The following NR1D2 variants were observed in gnomAD, a reference collection of about 807,000 sequenced individuals.
NR1D2 encodes the protein nuclear receptor subfamily 1 group D member 2.
A neutral mutation model predicts 52.2 loss-of-function variants in NR1D2; 25 were observed. That is an observed-to-expected ratio of 0.48 (90% CI 0.35 to 0.67). The LOEUF is 0.67. NR1D2 is among the 30% of genes least tolerant of loss of function. The probability of loss-of-function intolerance (pLI) is 0.01; values close to 1 mark genes in which losing one functional copy is unlikely to be tolerated. For synonymous variants in NR1D2, 259 were observed against 230.1 expected, an observed-to-expected ratio of 1.13 and a Z score of -1.14; for missense variants, 681 against 707.2, an observed-to-expected ratio of 0.96 and a Z score of 0.42.
chr3:23,950,825 A>T (rs760065677), intron 1 of NR1D2, among the ~76,000 whole-genome samples: 1 of 151,162 alleles, frequency 6.6e-6, no homozygotes, highest in Admixed American at 6.6e-5. Flanking sequence ...GATACAGTCC[A>T]TTGCCCCGTC....
Position 23,979,358 on chromosome 3 carries a change from CAT to C in NR1D2, c.*1941_*1942del, listed in dbSNP as rs1224504295. On this transcript the variant is annotated 3_prime_UTR_variant, in exon 8 of 8. Transcript: ENST00000312521. ...TTTTTTTTCCTAAGATAAACAAATG[CAT>C]AGTTTTCTTCTATGGGTGATAGAAA... The C allele has an allele frequency of 6.6e-6, 1 of 151,948 alleles. No individual in the cohort carries two copies. Among genetic ancestry groups the C allele is most frequent in the Non-Finnish European group, 1.5e-5 (1 of 67,900 alleles). The allele number at this position is 151,948 out of a possible 1,614,324, so 9.4% of individuals were successfully genotyped here.
intron 3 of NR1D2, among the ~76,000 whole-genome samples, chr3:23,958,069 A>G (rs942968457): frequency 2.0e-5 from 3 of 152,242 alleles, no homozygotes; most frequent in African/African-American, 4.8e-5. Context: ...TTGGAGACCT[A>G]TCACAGAACA....
At position 23,951,300 on chromosome 3, in the gene NR1D2, T is replaced by G. The variant is rs545368526; in HGVS notation, c.17-3237T>G. 4.3e-4 allele frequency among the ~76,000 whole-genome samples: 65 copies of G among 152,324 alleles called. No homozygotes were observed. The Middle Eastern group carries it at 0.017, about 40-fold the overall frequency. ...AATGGGGGCCCTAGGAAAGTCTTAC[T>G]TCCAAGGAAAAACATCACTTTCTTA... On this transcript the variant is annotated intron_variant, in intron 1 of 7. Coordinates refer to ENST00000312521, the MANE Select transcript of NR1D2 (RefSeq NM_005126.5).
At chr3:23,950,719 T>C (rs1019717116) in intron 1 of NR1D2, among the ~76,000 whole-genome samples, 1 of 152,158 alleles carries the variant, frequency 6.6e-6, no homozygotes, top group Non-Finnish European at 1.5e-5. Context: ...AAGACAGGAA[T>C]TGGATCTTCG....
chr3:23,966,243 T>G (rs748876202), intron 6 of NR1D2, among the ~76,000 whole-genome samples: 3 of 152,254 alleles, frequency 2.0e-5, no homozygotes, highest in African/African-American at 7.2e-5. Flanking sequence ...GAGCCAGGGC[T>G]ATATTTTCAC....
At chr3:23,957,405 T>C (rs1185626751) in intron 3 of NR1D2, among the ~76,000 whole-genome samples, 4 of 147,248 alleles carry the variant, frequency 2.7e-5, no homozygotes, top group African/African-American at 1.0e-4. Flanking sequence ...TTTTTTTTTT[T>C]TTTTTTTTTT....
intron 7 of NR1D2, among the ~76,000 whole-genome samples, chr3:23,974,114 T>TTTTTTA: frequency 6.8e-6 from 1 of 147,978 alleles, no homozygotes; most frequent in African/African-American, 2.5e-5. Context: ...TTTTTTTTTT[T>TTTTTTA]AAGTAGAAGG....
At chr3:23,967,047 C>T (rs932243952) in intron 6 of NR1D2, among the ~76,000 whole-genome samples, 13 of 151,930 alleles carry the variant, frequency 8.6e-5, no homozygotes, top group Admixed American at 3.9e-4. Context: ...ATAAATAGGC[C>T]GGGCGCTGTG....
In NR1D2 at chr3:23,978,259, T is replaced by C. The variant is rs1475334780; in HGVS notation, c.*840T>C. 1.3e-5 allele frequency: 2 copies of C among 152,170 alleles called. No individual in the cohort carries two copies. The highest frequency in any genetic ancestry group is 2.9e-5 in the Non-Finnish European group (2 of 68,020). 9.4% of individuals were successfully genotyped at this position (152,170 alleles called of 1,614,324 possible). Reference sequence around the variant, plus strand: ...ATATGTATGTGAATATAGTTAAATATATTTCTTCACAATATTTTAAACTGT... The same window carrying C: ...ATATGTATGTGAATATAGTTAAATACATTTCTTCACAATATTTTAAACTGT... On this transcript the variant is annotated 3_prime_UTR_variant, in exon 8 of 8. Transcript: ENST00000312521.
At chr3:23,967,705 C>T in intron 6 of NR1D2, 108 bp from the exon 7 acceptor site, 1 of 812,854 alleles carries the variant, frequency 1.2e-6, no homozygotes, top group Admixed American at 2.9e-5. Context: ...TCTTTTATAA[C>T]TTTCTTTTAT....
intron 1 of NR1D2, among the ~76,000 whole-genome samples, chr3:23,950,621 A>G (rs557743363): frequency 6.6e-5 from 10 of 152,316 alleles, no homozygotes; most frequent in African/African-American, 2.2e-4. Context: ...AACTAAATCA[A>G]TATTGAAGGT....
intron 3 of NR1D2, among the ~76,000 whole-genome samples, chr3:23,959,455 G>A (rs1228252452): frequency 6.6e-6 from 1 of 151,936 alleles, no homozygotes; most frequent in Non-Finnish European, 1.5e-5. Context: ...TGGTTAGTAG[G>A]TGTTAGGTGC....
chr3:23,975,801 G>C (rs527503135), intron 7 of NR1D2, among the ~76,000 whole-genome samples: 2 of 152,296 alleles, frequency 1.3e-5, no homozygotes, highest in South Asian at 4.1e-4. Flanking sequence ...TCTGCATTTA[G>C]AGTTAATCAA....
chr3:23,950,512 G>A (rs769390368), intron 1 of NR1D2, among the ~76,000 whole-genome samples: 9 of 152,224 alleles, frequency 5.9e-5, no homozygotes, highest in Non-Finnish European at 1.2e-4. Context: ...ACTACTAGAT[G>A]TACTCCTTTT....
chr3:23,946,503 C>CA (rs1056814567), intron 1 of NR1D2: 12 of 161,744 alleles, frequency 7.4e-5, no homozygotes, highest in African/African-American at 1.4e-4. Context: ...CGTCTGTTTA[C>CA]AAAAAAAACC....
intron 4 of NR1D2, among the ~76,000 whole-genome samples, chr3:23,960,583 C>T (rs188166148): frequency 1.6e-4 from 24 of 152,258 alleles, no homozygotes; most frequent in Admixed American, 1.2e-3. Flanking sequence ...CCACCTGCCT[C>T]GGCCTCCCAA....
Position 23,962,132 on chromosome 3 carries a change from G to C in NR1D2, c.673G>C (p.Glu225Gln), listed in dbSNP as rs1188756301. The C allele has an allele frequency of 6.2e-7, 1 of 1,614,112 alleles. No homozygotes were observed. The highest frequency in any genetic ancestry group is 1.7e-5 in the Admixed American group (1 of 60,012). Residue 225 changes from glutamate (E) to glutamine (Q), a missense_variant, in exon 5 of 8, where the codon GAA (glutamate) becomes CAA (glutamine). Glu to Gln is a conservative substitution (Grantham distance 29). This residue lies in a region of NR1D2 where 475 missense variants were observed against 454.5 expected (regional missense o/e 1.05). Coordinates refer to ENST00000312521, the MANE Select transcript of NR1D2 (RefSeq NM_005126.5). ...TGAACAGACAGCCTTGCCAGCCCAG[G>C]AACAGCTGCGACCCAAGCCCCAACT... ...HHEQTALPAQ[E>Q]QLRPKPQLEQ...
intron 1 of NR1D2, among the ~76,000 whole-genome samples, chr3:23,945,819 G>T (rs1210221603): frequency 6.6e-6 from 1 of 150,494 alleles, no homozygotes; most frequent in Non-Finnish European, 1.5e-5. Flanking sequence ...GCCGGCGCCC[G>T]GCCCGGCCCC....
At position 23,962,362 on chromosome 3, in the gene NR1D2, C is replaced by T. The variant is rs373795100; in HGVS notation, c.903C>T (p.Cys301=). 1.3e-4 allele frequency: 215 copies of T among 1,614,060 alleles called. 3 individuals are homozygous for T. In the South Asian group the frequency reaches 1.6e-3, roughly 12 times the overall value. Residue 301 remains cysteine (C), a synonymous_variant, in exon 5 of 8, where the codon TGC becomes TGT. Transcript: ENST00000312521. ...AATATAATTTAAATCATGATCATTGCGGCAATGGGCTTAGCAGCCATTTTC... is the reference window on the plus strand; with the variant it reads ...AATATAATTTAAATCATGATCATTGTGGCAATGGGCTTAGCAGCCATTTTC... ...MEQYNLNHDH[C]GNGLSSHFPC... is the part of the protein sequence containing the mutation.
Sources: allele counts gnomAD v4.1 joint callset (sites outside exome capture counted in the v4.1 genomes callset), GRCh38; gene constraint gnomAD v4.1.1; regional missense constraint gnomAD v4.1.1; transcripts MANE v1.5; gene names NCBI Gene and HGNC (gene_info 2026-07-23, HGNC 2026-07-21).